The following TPD52 variants were observed in gnomAD, a reference collection of about 807,000 sequenced individuals.
The protein encoded by TPD52 is tumor protein D52, also known as prostate and colon associated protein.
A neutral mutation model predicts 31.3 loss-of-function variants in TPD52; 17 were observed. The ratio of observed to expected loss-of-function variants is 0.54; its 90% CI spans 0.37 to 0.82. TPD52 has a LOEUF of 0.82. TPD52 is among the 40% of genes least tolerant of loss of function. TPD52 has a pLI of 0.00. For missense variants in TPD52, 212 were observed against 240.1 expected (o/e 0.88, Z 0.77); for synonymous variants, 83 against 89.6 (o/e 0.93, Z 0.42).
At position 80,158,943 on chromosome 8, in the gene TPD52, C is replaced by CAAAAAAA. The variant is rs57625062; in HGVS notation, c.19+12475_19+12481dup. The stretch of plus-strand genomic sequence containing the variant: ...TGGGCGACAGAGCGAGACTCCGTCT[C>CAAAAAAA]AAAAAAAAAAAAAAAAAAAAAAAAA... On this transcript the variant is annotated intron_variant, in intron 1 of 7. Coordinates refer to ENST00000518937, the MANE Select transcript of TPD52 (RefSeq NM_001025253.3). 19 of 76,328 alleles carry CAAAAAAA rather than the reference C, an allele frequency of 2.5e-4. 1 individual carries two copies. Among genetic ancestry groups the CAAAAAAA allele is most frequent in the African/African-American group, 8.3e-4 (16 of 19,212 alleles). 4.7% of individuals were successfully genotyped at this position (76,328 alleles called of 1,614,324 possible).
At position 80,154,729 on chromosome 8, in the gene TPD52, A is replaced by G. The variant is rs112495280; in HGVS notation, c.19+16696T>C. On this transcript the variant is annotated intron_variant, in intron 1 of 7. Coordinates refer to ENST00000518937, the MANE Select transcript of TPD52 (RefSeq NM_001025253.3). The stretch of plus-strand genomic sequence containing the variant: ...CATACACACACACACACACACACAC[A>G]CACACACACACACACACACACACAA... Among the ~76,000 whole-genome samples, 150 of 149,498 alleles carry G rather than the reference A, an allele frequency of 1.0e-3. 2 individuals are homozygous for G. The highest frequency in any genetic ancestry group is 3.5e-3 in the African/African-American group (144 of 40,854).
chr8:80,084,937 A>G (rs1379418865), intron 1 of TPD52, among the ~76,000 whole-genome samples: 1 of 152,234 alleles, frequency 6.6e-6, no homozygotes, highest in East Asian at 1.9e-4. Flanking sequence ...CCTACTAAAA[A>G]TGGATTATTT....
At chr8:80,040,651 A>C (rs1210571567) in intron 7 of TPD52, among the ~76,000 whole-genome samples, 1 of 152,222 alleles carries the variant, frequency 6.6e-6, no homozygotes, top group Non-Finnish European at 1.5e-5. Flanking sequence ...AAAACACATA[A>C]GATTCCTGGT....
Position 80,038,241 on chromosome 8 carries a change from A to G in TPD52, c.505-6T>C, listed in dbSNP as rs1207417375. 6.2e-7 allele frequency: 1 copy of G among 1,612,634 alleles called. No individual in the cohort carries two copies. The highest frequency in any genetic ancestry group is 8.5e-7 in the Non-Finnish European group (1 of 1,179,290). On this transcript the variant is annotated splice_region_variant and splice_polypyrimidine_tract_variant and intron_variant, in intron 7 of 7. Coordinates refer to ENST00000518937, the MANE Select transcript of TPD52 (RefSeq NM_001025253.3). ...TTGGTTCCCCCTACTTTAGACTTAAAAAAAAGTTCAAAAAAGGGAAAGACA... is the reference window on the plus strand; with the variant it reads ...TTGGTTCCCCCTACTTTAGACTTAAGAAAAAGTTCAAAAAAGGGAAAGACA...
At chr8:80,121,456 G>C (rs1048901165) in intron 1 of TPD52, among the ~76,000 whole-genome samples, 1 of 152,168 alleles carries the variant, frequency 6.6e-6, no homozygotes, top group African/African-American at 2.4e-5. Context: ...CGAGCTCTCA[G>C]AGAGTTTTAG....
chr8:80,155,044 C>T (rs1457173106), intron 1 of TPD52, among the ~76,000 whole-genome samples: 1 of 149,236 alleles, frequency 6.7e-6, no homozygotes, highest in Non-Finnish European at 1.5e-5. Flanking sequence ...GTCACCCAGG[C>T]TGGAGTGCAG....
intron 1 of TPD52, among the ~76,000 whole-genome samples, chr8:80,086,202 C>T (rs949138742): frequency 1.0e-4 from 15 of 147,490 alleles, no homozygotes; most frequent in African/African-American, 3.5e-4. Flanking sequence ...ACCACAACCT[C>T]CGCCTCCCCG....
intron 1 of TPD52, among the ~76,000 whole-genome samples, chr8:80,071,012 C>T (rs28721519): frequency 0.011 from 1,625 of 152,180 alleles, 25 homozygotes; most frequent in East Asian, 0.051. Context: ...AGATACAGAG[C>T]GCAAAGCACA....
At chr8:80,064,867 G>T in intron 1 of TPD52, 1 of 586,302 alleles carries the variant, frequency 1.7e-6, no homozygotes, top group Non-Finnish European at 3.2e-6. Flanking sequence ...ATATAGTTAT[G>T]GCAGAAGAGT....
At chr8:80,080,745 A>G in intron 1 of TPD52, 1 of 1,085,192 alleles carries the variant, frequency 9.2e-7, no homozygotes, top group Non-Finnish European at 1.1e-6. Context: ...CTGGGCAGGG[A>G]GCGAGCTTTC....
intron 1 of TPD52, among the ~76,000 whole-genome samples, chr8:80,146,709 G>T (rs1810221206): frequency 6.6e-6 from 1 of 152,182 alleles, no homozygotes. Context: ...AAAGAATCAA[G>T]TATCCATTAA....
At chr8:80,045,244 T>A (rs904764703) in intron 5 of TPD52, among the ~76,000 whole-genome samples, 7 of 151,960 alleles carry the variant, frequency 4.6e-5, no homozygotes, top group African/African-American at 1.7e-4. Flanking sequence ...TCTATCAAAG[T>A]GTGCTGGTCC....
intron 1 of TPD52, among the ~76,000 whole-genome samples, chr8:80,073,544 C>A (rs1348407218): frequency 6.6e-6 from 1 of 152,214 alleles, no homozygotes; most frequent in Non-Finnish European, 1.5e-5. Context: ...CAATACTTGG[C>A]CTTCATGCTC....
chr8:80,057,600 A>G (rs1812038211), intron 2 of TPD52, among the ~76,000 whole-genome samples: 1 of 152,164 alleles, frequency 6.6e-6, no homozygotes, highest in African/African-American at 2.4e-5. Context: ...TCTGACTTAT[A>G]AGTGGGAGCT....
chr8:80,150,271 C>A (rs913376249), intron 1 of TPD52, among the ~76,000 whole-genome samples: 1 of 152,208 alleles, frequency 6.6e-6, no homozygotes, highest in African/African-American at 2.4e-5. Flanking sequence ...TGGGAACCTC[C>A]GCCTAGATTT....
chr8:80,153,722 G>C (rs1158600041), intron 1 of TPD52, among the ~76,000 whole-genome samples: 1 of 152,142 alleles, frequency 6.6e-6, no homozygotes, highest in East Asian at 1.9e-4. Flanking sequence ...TAAACTCTAT[G>C]ATCTTGGGGA....
At chr8:80,105,338 A>G (rs1332423876) in intron 1 of TPD52, among the ~76,000 whole-genome samples, 2 of 152,090 alleles carry the variant, frequency 1.3e-5, no homozygotes, top group African/African-American at 4.8e-5. Context: ...TCCACCCCTG[A>G]CCTAATCGGT....
intron 1 of TPD52, among the ~76,000 whole-genome samples, chr8:80,073,838 A>T (rs1563600566): frequency 6.6e-6 from 1 of 152,190 alleles, no homozygotes; most frequent in African/African-American, 2.4e-5. Context: ...TCTCATACAT[A>T]ATCTGTCCAA....
intron 1 of TPD52, among the ~76,000 whole-genome samples, chr8:80,165,918 G>A (rs1811680083): frequency 6.6e-6 from 1 of 152,128 alleles, no homozygotes. Context: ...TCCCCTACAA[G>A]GCAAAATGTA....
Sources: allele counts gnomAD v4.1 joint callset (sites outside exome capture counted in the v4.1 genomes callset), GRCh38; gene constraint gnomAD v4.1.1; transcripts MANE v1.5; gene names NCBI Gene and HGNC (gene_info 2026-07-23, HGNC 2026-07-21).